PTPRK: variants seen among roughly 807,000 people sequenced by gnomAD.
PTPRK encodes the protein protein tyrosine phosphatase receptor type K, also known as receptor-type tyrosine-protein phosphatase kappa.
A neutral mutation model predicts 178.0 loss-of-function variants in PTPRK; 75 were observed. The observed-to-expected ratio is 0.42, with a 90% CI of 0.35 to 0.51. The LOEUF is 0.51. Ranked by LOEUF, PTPRK falls within the 20% of genes least tolerant of loss-of-function variation. The pLI is 0.02. For missense variants in PTPRK, 1,441 were observed against 1,797.8 expected, an observed-to-expected ratio of 0.80 and a Z score of 3.59; for synonymous variants, 637 against 620.6, an observed-to-expected ratio of 1.03 and a Z score of -0.39.
At chr6:128,321,814 T>C (rs748420657) in intron 3 of PTPRK, 4 of 719,182 alleles carry the variant, frequency 5.6e-6, no homozygotes, top group Non-Finnish European at 1.0e-5. Context: ...TGCCAATGTC[T>C]CCAAACACTT....
chr6:128,145,559 T>C (rs1171010667), intron 7 of PTPRK, among the ~76,000 whole-genome samples: 1 of 152,012 alleles, frequency 6.6e-6, no homozygotes, highest in African/African-American at 2.4e-5. Flanking sequence ...TAAATATATA[T>C]AGGTGAAATT....
At chr6:128,338,217 T>C (rs1313292538) in intron 2 of PTPRK, among the ~76,000 whole-genome samples, 2 of 152,138 alleles carry the variant, frequency 1.3e-5, no homozygotes, top group Non-Finnish European at 2.9e-5. Flanking sequence ...ACCAGGAAGA[T>C]AGTAGCTGTG....
intron 7 of PTPRK, among the ~76,000 whole-genome samples, chr6:128,142,099 A>G (rs1413493040): frequency 6.6e-6 from 1 of 151,926 alleles, no homozygotes; most frequent in African/African-American, 2.4e-5. Flanking sequence ...ACATATATGC[A>G]TATGTCAAGT....
intron 13 of PTPRK, among the ~76,000 whole-genome samples, chr6:128,045,937 G>A (rs1777966366): frequency 6.6e-6 from 1 of 152,016 alleles, no homozygotes; most frequent in African/African-American, 2.4e-5. Flanking sequence ...GTTTTTCAAA[G>A]GCAAAGAGAG....
chr6:128,423,122 TCATGACCTAGC>T (rs1255977445), intron 1 of PTPRK, among the ~76,000 whole-genome samples: 4 of 152,222 alleles, frequency 2.6e-5, no homozygotes, highest in African/African-American at 9.6e-5. Flanking sequence ...CAGAGTCTTC[TCATGACCTAGC>T]CACATTAGCA....
At chr6:128,229,871 T>C (rs1812009589) in intron 5 of PTPRK, among the ~76,000 whole-genome samples, 1 of 152,234 alleles carries the variant, frequency 6.6e-6, no homozygotes, top group African/African-American at 2.4e-5. Context: ...TTGGAGCATG[T>C]ATTTTCCCTT....
At chr6:127,989,779 G>A (rs1446970312) in intron 21 of PTPRK, among the ~76,000 whole-genome samples, 1 of 150,988 alleles carries the variant, frequency 6.6e-6, no homozygotes, top group African/African-American at 2.4e-5. Context: ...ATTTTTAATA[G>A]GCTTGTTAAC....
In PTPRK at chr6:128,108,069, A is replaced by C. The variant is rs74840297; in HGVS notation, c.1163-18077T>G. On this transcript the variant is annotated intron_variant, in intron 7 of 29. Coordinates refer to ENST00000368226, the MANE Select transcript of PTPRK (RefSeq NM_002844.4). ...AACAAACCAAATCCCTAAATAGCAA[A>C]ACACACACACACACACACACACACA... Among the ~76,000 whole-genome samples the C allele has an allele frequency of 0.02, 2,654 of 133,868 alleles. 301 individuals are homozygous for C. The East Asian group carries it at 0.28, about 14-fold the overall frequency. The allele number at this position is 133,868 out of a possible 152,430, so 87.8% of individuals were successfully genotyped here. A position where few individuals can be genotyped will look rare whatever the true frequency, so the allele number is the denominator to read the frequency against.
At chr6:128,063,592 C>T (rs534414686) in intron 13 of PTPRK, 131 of 152,272 alleles carry the variant, frequency 8.6e-4, no homozygotes, top group African/African-American at 2.7e-3. Flanking sequence ...TTTCAACTCT[C>T]GTTCCTGATC....
chr6:128,201,257 C>G (rs990331215), intron 6 of PTPRK, among the ~76,000 whole-genome samples: 2 of 152,002 alleles, frequency 1.3e-5, no homozygotes, highest in African/African-American at 4.8e-5. Flanking sequence ...GACATAAAAT[C>G]CAAGAAAAAT....
chr6:128,369,627 T>A (rs1306991770), intron 2 of PTPRK, among the ~76,000 whole-genome samples: 1 of 152,138 alleles, frequency 6.6e-6, no homozygotes, highest in African/African-American at 2.4e-5. Flanking sequence ...ATTACTGTCT[T>A]CCAAACTCAC....
intron 5 of PTPRK, among the ~76,000 whole-genome samples, chr6:128,236,326 G>A (rs1042017651): frequency 1.4e-5 from 2 of 146,402 alleles, no homozygotes; most frequent in African/African-American, 5.0e-5. Context: ...GGTGACTAAA[G>A]ACTTTATTCT....
chr6:128,341,798 T>C (rs940854492), intron 2 of PTPRK, among the ~76,000 whole-genome samples: 1 of 152,250 alleles, frequency 6.6e-6, no homozygotes, highest in Non-Finnish European at 1.5e-5. Flanking sequence ...TAGGCCTTAC[T>C]GCCTGGAGAA....
intron 12 of PTPRK, among the ~76,000 whole-genome samples, chr6:128,065,868 A>G (rs1274266417): frequency 1.3e-5 from 2 of 152,176 alleles, no homozygotes. Context: ...TTCTAATGGC[A>G]TTACCAATCT....
intron 5 of PTPRK, chr6:128,235,632 C>T (rs748960789): frequency 9.6e-5 from 46 of 477,144 alleles, no homozygotes; most frequent in Non-Finnish European, 1.8e-4. Context: ...AGAAATAAAC[C>T]ATTCATAGGT....
chr6:128,023,646 G>A (rs901585586), intron 13 of PTPRK, among the ~76,000 whole-genome samples: 4 of 151,636 alleles, frequency 2.6e-5, no homozygotes, highest in South Asian at 2.1e-4. Flanking sequence ...AGAACTATTC[G>A]ATCTCTTATT....
At chr6:128,492,497 T>C (rs746325348) in intron 1 of PTPRK, among the ~76,000 whole-genome samples, 1 of 152,164 alleles carries the variant, frequency 6.6e-6, no homozygotes, top group Non-Finnish European at 1.5e-5. Flanking sequence ...AGTATTTCTA[T>C]ATCAGACAGA....
At chr6:128,152,805 G>C (rs1797457771) in intron 7 of PTPRK, among the ~76,000 whole-genome samples, 1 of 151,964 alleles carries the variant, frequency 6.6e-6, no homozygotes, top group African/African-American at 2.4e-5. Flanking sequence ...GATCGTGACA[G>C]AGAAAGTATT....
intron 3 of PTPRK, among the ~76,000 whole-genome samples, chr6:128,293,458 C>A (rs1468705547): frequency 6.6e-6 from 1 of 152,078 alleles, no homozygotes; most frequent in Non-Finnish European, 1.5e-5. Context: ...CAGGTGCCCT[C>A]ATGACTTAAT....
Sources: allele counts gnomAD v4.1 joint callset (sites outside exome capture counted in the v4.1 genomes callset), GRCh38; gene constraint gnomAD v4.1.1; transcripts MANE v1.5; gene names NCBI Gene and HGNC (gene_info 2026-07-23, HGNC 2026-07-21).